Variants in PTPN4 observed in about 807,000 individuals in gnomAD.
PTPN4 encodes the protein protein tyrosine phosphatase non-receptor type 4, also known as tyrosine-protein phosphatase non-receptor type 4.
A neutral mutation model predicts 135.5 loss-of-function variants in PTPN4; 49 were observed. The ratio of observed to expected loss-of-function variants is 0.36; its 90% CI spans 0.29 to 0.46. The LOEUF (loss-of-function observed/expected upper bound fraction) is 0.46, where lower values mean the gene tolerates loss of function less well. PTPN4 is among the 20% of genes least tolerant of loss of function. The probability of loss-of-function intolerance (pLI) is 1.00; values close to 1 mark genes in which losing one functional copy is unlikely to be tolerated. For missense variants in PTPN4, 860 were observed against 1,101.0 expected (o/e 0.78, Z 3.10); for synonymous variants, 333 against 369.9 (o/e 0.90, Z 1.14).
intron 12 of PTPN4, among the ~76,000 whole-genome samples, chr2:119,924,085 C>T (rs931776628): frequency 2.8e-5 from 4 of 143,506 alleles, no homozygotes; most frequent in Non-Finnish European, 3.0e-5. Context: ...TGCAGTGAGC[C>T]GAGATGGAGC....
chr2:119,803,576 C>T (rs1423921227), intron 1 of PTPN4, among the ~76,000 whole-genome samples: 2 of 152,050 alleles, frequency 1.3e-5, no homozygotes, highest in Non-Finnish European at 2.9e-5. Flanking sequence ...TGTTTCTTAG[C>T]CCAGGATATG....
chr2:119,891,399 T>C (rs1427660430), intron 9 of PTPN4, among the ~76,000 whole-genome samples: 2 of 152,222 alleles, frequency 1.3e-5, no homozygotes. Flanking sequence ...CTCAGGTCAC[T>C]GCAACCTCTG....
Position 119,934,910 on chromosome 2 carries a change from G to A in PTPN4, c.1307G>A (p.Arg436Lys). 6.2e-7 allele frequency: 1 copy of A among 1,613,858 alleles called. No individual in the cohort carries two copies. Among genetic ancestry groups the A allele is most frequent in the Non-Finnish European group, 8.5e-7 (1 of 1,179,806 alleles). The change falls in exon 15 of 27, where the codon AGA becomes AAA. Residue 436 changes from arginine (R) to lysine (K), a missense_variant. By Grantham distance (26) the Arg-to-Lys change is conservative. Transcript: ENST00000263708. ...CCAAGCGAAGTGTTTGTAAATCAGA[G>A]ATCTCCGTCATCAACACAAGCTAAT... ...TSPSEVFVNQRSPSSTQANSI... is the reference protein window; with the variant it reads ...TSPSEVFVNQKSPSSTQANSI...
intron 2 of PTPN4, among the ~76,000 whole-genome samples, chr2:119,853,915 C>G (rs1677634319): frequency 6.6e-6 from 1 of 151,862 alleles, no homozygotes; most frequent in African/African-American, 2.4e-5. Flanking sequence ...GGCATGGTTT[C>G]AAGGTTTCAG....
At chr2:119,827,654 T>G (rs930609317) in intron 2 of PTPN4, among the ~76,000 whole-genome samples, 4 of 152,212 alleles carry the variant, frequency 2.6e-5, no homozygotes, top group African/African-American at 9.6e-5. Context: ...AATAGAATAT[T>G]ACCAGTACTT....
intron 2 of PTPN4, among the ~76,000 whole-genome samples, chr2:119,849,666 G>T (rs1677562060): frequency 6.6e-6 from 1 of 152,094 alleles, no homozygotes; most frequent in Admixed American, 6.5e-5. Context: ...CCCTTCCAAG[G>T]CTTGTCGTTA....
chr2:119,947,604 ATC>A (rs1400134266), intron 18 of PTPN4, among the ~76,000 whole-genome samples: 2 of 152,088 alleles, frequency 1.3e-5, no homozygotes, highest in African/African-American at 4.8e-5. Flanking sequence ...TCTGCTTTTC[ATC>A]TGTTTCTTTT....
At chr2:119,937,276 T>G (rs1393260320) in intron 15 of PTPN4, among the ~76,000 whole-genome samples, 1 of 152,242 alleles carries the variant, frequency 6.6e-6, no homozygotes, top group African/African-American at 2.4e-5. Flanking sequence ...AGAATTTAAA[T>G]GATGTATTGG....
chr2:119,976,425 A>C (rs552164887), intron 26 of PTPN4, among the ~76,000 whole-genome samples: 2 of 151,860 alleles, frequency 1.3e-5, no homozygotes, highest in South Asian at 4.2e-4. Context: ...TACTTTACCT[A>C]CCTTGCTTTT....
chr2:119,772,926 G>A (rs1041016644), intron 1 of PTPN4, among the ~76,000 whole-genome samples: 1 of 152,124 alleles, frequency 6.6e-6, no homozygotes, highest in South Asian at 2.1e-4. Flanking sequence ...TATCTGTGCC[G>A]TATCACCTGT....
chr2:119,908,702 C>G (rs1349229519), intron 10 of PTPN4, among the ~76,000 whole-genome samples: 1 of 152,128 alleles, frequency 6.6e-6, no homozygotes, highest in African/African-American at 2.4e-5. Flanking sequence ...ACTTCTGTCA[C>G]TTTCGATCAA....
chr2:119,894,377 G>A (rs1678287404), intron 9 of PTPN4, among the ~76,000 whole-genome samples: 1 of 152,196 alleles, frequency 6.6e-6, no homozygotes, highest in African/African-American at 2.4e-5. Context: ...TAATTCTGAT[G>A]TGTGCTTTCA....
intron 1 of PTPN4, among the ~76,000 whole-genome samples, chr2:119,779,646 G>A (rs565962843): frequency 2.0e-5 from 3 of 151,886 alleles, no homozygotes; most frequent in Admixed American, 6.6e-5. Context: ...ATCAGCTATC[G>A]AGGATACTTT....
intron 2 of PTPN4, among the ~76,000 whole-genome samples, chr2:119,816,825 A>G (rs1461225888): frequency 1.3e-5 from 2 of 152,244 alleles, no homozygotes; most frequent in South Asian, 2.1e-4. Flanking sequence ...CAATCTCAGG[A>G]TATTCCACCT....
At chr2:119,793,219 CT>C (rs1240135050) in intron 1 of PTPN4, among the ~76,000 whole-genome samples, 2 of 152,170 alleles carry the variant, frequency 1.3e-5, no homozygotes, top group Non-Finnish European at 2.9e-5. Flanking sequence ...AGGCCTCCCC[CT>C]GGGAATGCAT....
chr2:119,889,891 G>A (rs1678216106), intron 9 of PTPN4, among the ~76,000 whole-genome samples: 1 of 152,046 alleles, frequency 6.6e-6, no homozygotes, highest in Admixed American at 6.5e-5. Flanking sequence ...TCATTTAGAA[G>A]CATGTTGTTT....
chr2:119,921,450 G>T (rs971521141), intron 12 of PTPN4, among the ~76,000 whole-genome samples: 2 of 152,084 alleles, frequency 1.3e-5, no homozygotes, highest in Non-Finnish European at 2.9e-5. Context: ...AAAAATAACA[G>T]TATGAAGCTT....
chr2:119,858,488 A>G (rs1443485144), intron 2 of PTPN4, among the ~76,000 whole-genome samples: 1 of 152,192 alleles, frequency 6.6e-6, no homozygotes, highest in Non-Finnish European at 1.5e-5. Context: ...TTTATTTTAC[A>G]AACAAAATAC....
At chr2:119,800,144 G>A (rs973694646) in intron 1 of PTPN4, among the ~76,000 whole-genome samples, 6 of 152,248 alleles carry the variant, frequency 3.9e-5, no homozygotes, top group African/African-American at 1.4e-4. Context: ...CTAAGAGGAT[G>A]CAATCATTAT....
Sources: gnomAD v4.1 joint callset for allele counts (sites outside exome capture counted in the v4.1 genomes callset) on GRCh38, gnomAD v4.1.1 for gene constraint, MANE v1.5 for transcripts, NCBI Gene and HGNC (gene_info 2026-07-23, HGNC 2026-07-21) for gene names.